NBAS: variants seen among roughly 807,000 people sequenced by gnomAD.
NBAS encodes NAG/BC035112 fusion.
NBAS carries 219 observed loss-of-function variants against 302.5 expected under a neutral mutation model. That is an observed-to-expected ratio of 0.72 (90% confidence interval 0.65 to 0.81). NBAS has a LOEUF of 0.81. Among genes scored for constraint, NBAS ranks in the 30% least tolerant of loss-of-function variants. NBAS has a pLI of 0.00. For synonymous variants in NBAS, 1,118 were observed against 1,021.6 expected (o/e 1.09, Z -1.80); for missense variants, 2,932 against 2,841.6 (o/e 1.03, Z -0.72).
At chr2:15,380,500 C>G (rs1366471690) in intron 29 of NBAS, among the ~76,000 whole-genome samples, 1 of 152,080 alleles carries the variant, frequency 6.6e-6, no homozygotes, top group Non-Finnish European at 1.5e-5. Flanking sequence ...ATACTTACAA[C>G]CAGTCATTAA....
rs752192176 is a variant in NBAS, at chr2:15,276,360, A to G, written c.5389+491T>C. ...TTGCAAATTATGAAGTATAAAAATT[A>G]AGAGGTCTTAAAGTGTTTAATTTCT... On this transcript the variant is annotated intron_variant, in intron 43 of 51. Transcript: ENST00000281513. 5.3e-4 allele frequency among the ~76,000 whole-genome samples: 80 copies of G among 152,210 alleles called. 1 individual carries two copies. The highest frequency in any genetic ancestry group is 3.1e-4 in the Non-Finnish European group (21 of 68,040).
At chr2:15,181,334 G>A (rs1171223590) in intron 50 of NBAS, among the ~76,000 whole-genome samples, 2 of 152,158 alleles carry the variant, frequency 1.3e-5, no homozygotes, top group Admixed American at 6.5e-5. Context: ...CACACAGAGA[G>A]GCAAGGATAT....
the NBAS span, among the ~76,000 whole-genome samples, chr2:15,138,046 G>C: frequency 6.6e-6 from 1 of 152,106 alleles, no homozygotes; most frequent in Admixed American, 6.5e-5. Flanking sequence ...CACAATACAC[G>C]AGAATCACAG....
At chr2:15,474,966 A>G (rs905946111) in intron 14 of NBAS, among the ~76,000 whole-genome samples, 3 of 152,206 alleles carry the variant, frequency 2.0e-5, no homozygotes, top group African/African-American at 7.2e-5. Context: ...TAGAGAATGA[A>G]CATAAAGGTA....
intron 51 of NBAS, among the ~76,000 whole-genome samples, 193 bp downstream of exon 51, chr2:15,178,795 A>T (rs1218749787): frequency 6.6e-6 from 1 of 152,168 alleles, no homozygotes; most frequent in African/African-American, 2.4e-5. Context: ...TCACGGGAAG[A>T]GCTTAGTAAG....
chr2:15,398,455 A>T (rs1346886229), intron 26 of NBAS, among the ~76,000 whole-genome samples: 1 of 152,172 alleles, frequency 6.6e-6, no homozygotes, highest in Non-Finnish European at 1.5e-5. Flanking sequence ...TTTTGAAATT[A>T]TCATTTTACA....
chr2:15,235,622 C>A (rs1667555874), intron 45 of NBAS, among the ~76,000 whole-genome samples: 1 of 152,080 alleles, frequency 6.6e-6, no homozygotes, highest in East Asian at 1.9e-4. Context: ...TTCTAGTGAT[C>A]ATGTTATAGT....
At chr2:15,123,019 C>T in the NBAS span, among the ~76,000 whole-genome samples, 1 of 152,188 alleles carries the variant, frequency 6.6e-6, no homozygotes. Flanking sequence ...TGACAAGGCA[C>T]TCCAGCTCAG....
intron 28 of NBAS, chr2:15,393,610 G>C (rs74352874): frequency 2.6e-4 from 108 of 423,200 alleles, no homozygotes; most frequent in Non-Finnish European, 3.1e-4. Context: ...TTGTCTGAGA[G>C]AAATGAAAGC....
the NBAS span, among the ~76,000 whole-genome samples, chr2:15,085,694 G>A: frequency 3.9e-5 from 6 of 152,158 alleles, no homozygotes; most frequent in East Asian, 3.9e-4. Flanking sequence ...GGGGGCCTAC[G>A]AAGGCCCCCC....
At chr2:15,229,352 A>AAC (rs1667281084) in intron 47 of NBAS, among the ~76,000 whole-genome samples, 1 of 143,908 alleles carries the variant, frequency 6.9e-6, no homozygotes, top group African/African-American at 2.7e-5. Flanking sequence ...AAAAACAAAA[A>AAC]AAAAAAAAAA....
chr2:15,496,891 T>C (rs983815978), intron 11 of NBAS, among the ~76,000 whole-genome samples: 2 of 151,898 alleles, frequency 1.3e-5, no homozygotes, highest in East Asian at 3.9e-4. Context: ...GGAAGAAAAA[T>C]ACAGAGTGCT....
chr2:15,089,360 C>A, the NBAS span, among the ~76,000 whole-genome samples: 1 of 152,062 alleles, frequency 6.6e-6, no homozygotes, highest in Non-Finnish European at 1.5e-5. Flanking sequence ...TTTTAAAATT[C>A]ATAATCACCC....
the NBAS span, among the ~76,000 whole-genome samples, chr2:14,821,130 A>C: frequency 1.5e-3 from 223 of 152,044 alleles, no homozygotes; most frequent in African/African-American, 5.1e-3. Flanking sequence ...GTTTCACCGT[A>C]TTAGCCAGAA....
At chr2:15,394,122 A>G (rs1675749217) in intron 28 of NBAS, 105 bp downstream of exon 28, 2 of 1,189,068 alleles carry the variant, frequency 1.7e-6, no homozygotes, top group African/African-American at 3.1e-5. Context: ...AAATATGTGC[A>G]GTTTATTATT....
intron 47 of NBAS, among the ~76,000 whole-genome samples, chr2:15,225,632 G>A (rs576913820): frequency 7.0e-4 from 107 of 152,268 alleles, no homozygotes; most frequent in Middle Eastern, 3.4e-3. Context: ...CTTTAAGGCA[G>A]CTGAAGCTGA....
chr2:15,239,408 T>C (rs1281681652), intron 44 of NBAS, among the ~76,000 whole-genome samples: 1 of 150,386 alleles, frequency 6.6e-6, no homozygotes. Context: ...TGTGTATATA[T>C]ATATATATAT....
chr2:15,104,446 T>C, the NBAS span, among the ~76,000 whole-genome samples: 1 of 152,096 alleles, frequency 6.6e-6, no homozygotes, highest in Admixed American at 6.6e-5. Flanking sequence ...CAGAAAGAAA[T>C]GACAGTCTTT....
At chr2:15,496,093 C>A (rs959289315) in intron 11 of NBAS, among the ~76,000 whole-genome samples, 4 of 110,300 alleles carry the variant, frequency 3.6e-5, no homozygotes, top group African/African-American at 1.3e-4. Context: ...CATACATATA[C>A]AGATACACAC....
Sources: gnomAD v4.1 joint callset for allele counts (sites outside exome capture counted in the v4.1 genomes callset) on GRCh38, gnomAD v4.1.1 for gene constraint, MANE v1.5 for transcripts, NCBI Gene and HGNC (gene_info 2026-07-23, HGNC 2026-07-21) for gene names.